The following PTPRA variants were observed in gnomAD, a reference collection of about 807,000 sequenced individuals.
The protein encoded by PTPRA is protein tyrosine phosphatase receptor type A, also known as receptor-type tyrosine-protein phosphatase alpha.
PTPRA carries 25 observed loss-of-function variants against 104.8 expected under a neutral mutation model. That is an observed-to-expected ratio of 0.24 (90% CI 0.17 to 0.33). PTPRA has a LOEUF of 0.33. Among genes scored for constraint, PTPRA ranks in the 10% least tolerant of loss-of-function variants. The pLI, the probability that PTPRA is intolerant of heterozygous loss-of-function variation, is 1.00. For missense variants in PTPRA, 765 were observed against 1,015.3 expected (o/e 0.75, Z 3.35); for synonymous variants, 323 against 368.9 (o/e 0.88, Z 1.43).
intron 9 of PTPRA, among the ~76,000 whole-genome samples, chr20:2,998,909 T>C (rs996174575): frequency 1.4e-5 from 2 of 140,754 alleles, no homozygotes; most frequent in African/African-American, 5.3e-5. Context: ...ATAGAATTAA[T>C]AAATATGACA....
intron 2 of PTPRA, among the ~76,000 whole-genome samples, chr20:2,935,806 G>A (rs1407561833): frequency 6.6e-6 from 1 of 152,184 alleles, no homozygotes; most frequent in Non-Finnish European, 1.5e-5. Flanking sequence ...CCTGAAGTCA[G>A]GAGTTTGACA....
intron 1 of PTPRA, among the ~76,000 whole-genome samples, chr20:2,913,590 A>G (rs1378795632): frequency 1.3e-5 from 2 of 152,174 alleles, no homozygotes; most frequent in African/African-American, 2.4e-5. Flanking sequence ...AGTCATTAAC[A>G]TGGACCTGAT....
chr20:2,908,189 C>T (rs554402350), intron 1 of PTPRA, among the ~76,000 whole-genome samples: 2 of 152,082 alleles, frequency 1.3e-5, no homozygotes, highest in Admixed American at 1.3e-4. Flanking sequence ...TTTTTCTGAC[C>T]ATTGCTTTCC....
chr20:2,988,098 G>A lies in PTPRA; in HGVS notation c.594G>A (p.Glu198=). 6.3e-7 allele frequency: 1 copy of A among 1,582,372 alleles called. No homozygotes were observed. Among genetic ancestry groups the A allele is most frequent in the South Asian group, 1.1e-5 (1 of 90,426 alleles). ...NSFRLSNGRT[E]DVEPQSVPLL... is the part of the protein sequence containing the mutation. ...TCCGCTTATCCAACGGCCGCACTGA[G>A]GATGTGGGTAAGGCATTCCTTAATG... The change falls in exon 8 of 24, where the codon GAG becomes GAA. Residue 198 remains glutamate, a synonymous_variant. Transcript: ENST00000399903.
rs563976114 is a variant in PTPRA at position 2,929,185 on chromosome 20, C to G, written c.-50+5900C>G. On this transcript the variant is annotated intron_variant, in intron 2 of 23. Transcript: ENST00000399903. ...CAGGCTGGTCTTGAACTCCTAGGCT[C>G]AAGCGATCCACCTGCCTCAGCCTCC... Among the ~76,000 whole-genome samples the G allele has an allele frequency of 2.0e-4, 30 of 152,060 alleles. 1 individual carries two copies. In the South Asian group the frequency reaches 6.3e-3, roughly 32 times the overall value.
intron 1 of PTPRA, among the ~76,000 whole-genome samples, chr20:2,905,340 A>T (rs565447968): frequency 6.6e-6 from 1 of 152,264 alleles, no homozygotes; most frequent in East Asian, 1.9e-4. Context: ...CTTCCTCTAG[A>T]ATATACTGAA....
rs1328432967 is a variant in PTPRA at position 3,022,741 on chromosome 20, A to G, written c.1381A>G (p.Met461Val). 1 of 1,614,198 alleles carries G rather than the reference A, an allele frequency of 6.2e-7. No homozygotes were observed. Among genetic ancestry groups the G allele is most frequent in the Non-Finnish European group, 8.5e-7 (1 of 1,180,042 alleles). The change falls in exon 16 of 24, where the codon ATG becomes GTG. Residue 461 changes from methionine to valine, a missense_variant. By Grantham distance (21) the Met-to-Val change is conservative. Coordinates refer to ENST00000399903, the MANE Select transcript of PTPRA (RefSeq NM_001385305.1). This position sits in a 1 kb window ranked among gnomAD's most constrained non-coding sequence, Gnocchi z 4.6. ...TFVVIDAMLD[M>V]MHTERKVDVY... is the part of the protein sequence containing the mutation. ...TGTCGTCATTGATGCCATGCTGGAC[A>G]TGATGCATACAGAACGGAAGGTGGA... is the stretch of plus-strand genomic sequence containing the variant.
intron 1 of PTPRA, among the ~76,000 whole-genome samples, chr20:2,922,903 G>C (rs2060150890): frequency 6.6e-6 from 1 of 151,934 alleles, no homozygotes; most frequent in South Asian, 2.1e-4. Context: ...CCAAAGTGCT[G>C]GGATTACAGG....
At chr20:2,866,636 G>A in the PTPRA span, 2 of 1,596,564 alleles carry the variant, frequency 1.3e-6, no homozygotes, top group Non-Finnish European at 1.7e-6. Context: ...CTTGGCAGAA[G>A]GGCCATAGTT....
In PTPRA at chr20:3,038,207, C is replaced by A; in HGVS notation, c.*74C>A. 1.5e-6 allele frequency: 2 copies of A among 1,374,256 alleles called. No homozygotes were observed. The highest frequency in any genetic ancestry group is 1.2e-5 in the South Asian group (1 of 83,830). The allele number at this position is 1,374,256 out of a possible 1,614,324, so 85.1% of individuals were successfully genotyped here. ...AATATTCTGTTTTGTTAATATACCC[C>A]AAATTGTGTATATATCTTATAACTG... On this transcript the variant is annotated 3_prime_UTR_variant, in exon 24 of 24. Coordinates refer to ENST00000399903, the MANE Select transcript of PTPRA (RefSeq NM_001385305.1).
chr20:2,917,857 G>C (rs1260517385), intron 1 of PTPRA, among the ~76,000 whole-genome samples: 2 of 151,944 alleles, frequency 1.3e-5, no homozygotes, highest in African/African-American at 4.8e-5. Flanking sequence ...TTTGGAGACC[G>C]AGGCGGGTGG....
At chr20:2,882,818 G>A (rs2090135004) in intron 1 of PTPRA, among the ~76,000 whole-genome samples, 1 of 152,118 alleles carries the variant, frequency 6.6e-6, no homozygotes, top group African/African-American at 2.4e-5. Context: ...TCTATGGGCA[G>A]GCTGTTGAGT....
In PTPRA at chr20:2,919,473, G is replaced by A. The variant is rs373846972; in HGVS notation, c.-128-3734G>A. 2.4e-4 allele frequency among the ~76,000 whole-genome samples: 36 copies of A among 152,270 alleles called. 1 individual carries two copies. The South Asian group carries it at 7.1e-3, about 30-fold the overall frequency. ...TAAGGGAAAGACTTAAAGGAAGATT[G>A]CCTACAGTGTACTGGACACTTTGCT... On this transcript the variant is annotated intron_variant, in intron 1 of 23. Transcript: ENST00000399903.
intron 2 of PTPRA, among the ~76,000 whole-genome samples, chr20:2,937,591 CAT>C (rs1015660192): frequency 3.3e-5 from 5 of 152,178 alleles, no homozygotes; most frequent in East Asian, 1.9e-4. Context: ...TATGAATAAA[CAT>C]ATATATATGC....
chr20:2,905,223 A>G (rs376032765), intron 1 of PTPRA, among the ~76,000 whole-genome samples: 2 of 152,168 alleles, frequency 1.3e-5, no homozygotes, highest in East Asian at 1.9e-4. Context: ...CCTCCATTTC[A>G]TAGAAAAATT....
rs143425383 is a variant in PTPRA, at chr20:3,015,751, T to C, written c.907-98T>C. 2.9e-4 allele frequency: 285 copies of C among 982,834 alleles called. 2 individuals carry two copies. The East Asian group carries it at 5.6e-3, about 19-fold the overall frequency. 60.9% of individuals were successfully genotyped at this position (982,834 alleles called of 1,614,324 possible). On this transcript the variant is annotated intron_variant, in intron 11 of 23. Transcript: ENST00000399903. ...AAATCCCCGTTAAGTACCTGCACAT[T>C]TTCAGGTTTTGTTAACTGGTTGGAG...
rs1416063601 is a variant in PTPRA at position 3,027,578 on chromosome 20, C to T, written c.1786-129C>T. 5 of 1,284,822 alleles carry T rather than the reference C, an allele frequency of 3.9e-6. No homozygotes were observed. In the East Asian group the frequency reaches 1.2e-4, roughly 30 times the overall value. 79.6% of individuals were successfully genotyped at this position (1,284,822 alleles called of 1,614,324 possible). ...TGTCAGATAGGGTTTCGTCCTTGGC[C>T]ACAGGGGAGCTCTGCATGGGCTGAG... On this transcript the variant is annotated intron_variant, in intron 19 of 23. Coordinates refer to ENST00000399903, the MANE Select transcript of PTPRA (RefSeq NM_001385305.1).
At chr20:2,958,373 A>G (rs2061612581) in intron 3 of PTPRA, among the ~76,000 whole-genome samples, 1 of 152,076 alleles carries the variant, frequency 6.6e-6, no homozygotes, top group African/African-American at 2.4e-5. Context: ...AAGTCAAGGA[A>G]CTGAGAGGCT....
chr20:3,030,133 T>C (rs1054347696), intron 20 of PTPRA, among the ~76,000 whole-genome samples: 1 of 152,156 alleles, frequency 6.6e-6, no homozygotes, highest in Non-Finnish European at 1.5e-5. Context: ...CCCACTGCCC[T>C]GTGATAAAAT....
Sources: allele counts gnomAD v4.1 joint callset (sites outside exome capture counted in the v4.1 genomes callset), GRCh38; gene constraint gnomAD v4.1.1; non-coding constraint Gnocchi (gnomAD v3.1); transcripts MANE v1.5; gene names NCBI Gene and HGNC (gene_info 2026-07-23, HGNC 2026-07-21).